Variants in NRG1 observed in about 807,000 individuals in gnomAD.
NRG1 encodes pro-neuregulin-1, membrane-bound isoform.
A neutral mutation model predicts 63.8 loss-of-function variants in NRG1; 18 were observed. The observed-to-expected ratio is 0.28, with a 90% CI of 0.19 to 0.42. The LOEUF (loss-of-function observed/expected upper bound fraction) is 0.42. NRG1 is among the 10% of genes least tolerant of loss of function. The probability of loss-of-function intolerance (pLI) is 1.00; values close to 1 mark genes in which losing one functional copy is unlikely to be tolerated. For synonymous variants in NRG1, 302 were observed against 301.3 expected, an observed-to-expected ratio of 1.00 and a Z score of -0.02; for missense variants, 762 against 814.7, an observed-to-expected ratio of 0.94 and a Z score of 0.79.
chr8:31,857,397 T>G (rs1023176187), intron 1 of NRG1, among the ~76,000 whole-genome samples: 5 of 152,206 alleles, frequency 3.3e-5, no homozygotes, highest in Non-Finnish European at 5.9e-5. Flanking sequence ...TGTCACCCCT[T>G]TCTTTGACTA....
At chr8:32,662,742 T>C (rs147181148) in intron 5 of NRG1, among the ~76,000 whole-genome samples, 1 of 152,184 alleles carries the variant, frequency 6.6e-6, no homozygotes, top group Non-Finnish European at 1.5e-5. Context: ...GGGATTTGAG[T>C]GAGAGGAGTC....
intron 1 of NRG1, among the ~76,000 whole-genome samples, chr8:32,530,124 T>C (rs1418483308): frequency 1.3e-5 from 2 of 152,086 alleles, no homozygotes; most frequent in Non-Finnish European, 1.5e-5. Flanking sequence ...TTTCTTTTTT[T>C]TGAGGCGGAG....
intron 1 of NRG1, among the ~76,000 whole-genome samples, chr8:32,263,955 G>A (rs560968938): frequency 1.3e-5 from 2 of 152,230 alleles, no homozygotes; most frequent in East Asian, 1.9e-4. Context: ...GAGAAACTGA[G>A]GAGACCCTAG....
chr8:32,458,801 T>C (rs1006237265), intron 1 of NRG1, among the ~76,000 whole-genome samples: 3 of 152,206 alleles, frequency 2.0e-5, no homozygotes, highest in African/African-American at 7.2e-5. Flanking sequence ...TGTTTGCTTA[T>C]TTGTTTCCCC....
chr8:31,647,639 G>A (rs898174726), intron 1 of NRG1, among the ~76,000 whole-genome samples: 5 of 152,144 alleles, frequency 3.3e-5, no homozygotes, highest in African/African-American at 1.2e-4. Flanking sequence ...AGGATGGAGA[G>A]GTTCTGCTCA....
chr8:31,644,973 AT>A (rs1365565271), intron 1 of NRG1, among the ~76,000 whole-genome samples: 2 of 152,132 alleles, frequency 1.3e-5, no homozygotes, highest in Admixed American at 6.5e-5. Context: ...GTTCTTACTG[AT>A]TCAAGCAATT....
Position 31,774,462 on chromosome 8 carries a change from T to C in NRG1, c.37+135031T>C, listed in dbSNP as rs140193309. On this transcript the variant is annotated intron_variant, in intron 1 of 10. Transcript: ENST00000519301. Reference sequence around the variant, plus strand: ...TTTTTCATACTGCATCCCATGCCTGTAGTGTCTGGCACAGAACAGGTTTTT... The same window carrying C: ...TTTTTCATACTGCATCCCATGCCTGCAGTGTCTGGCACAGAACAGGTTTTT... Among the ~76,000 whole-genome samples, 115 of 152,330 alleles carry C rather than the reference T, an allele frequency of 7.5e-4. 3 individuals carry two copies. In the East Asian group the frequency reaches 0.02, roughly 26 times the overall value.
intron 1 of NRG1, among the ~76,000 whole-genome samples, chr8:31,737,227 A>G (rs1184507535): frequency 2.0e-5 from 3 of 152,000 alleles, no homozygotes; most frequent in African/African-American, 7.2e-5. Flanking sequence ...TTTTCCTTCA[A>G]TTCATCCTTC....
At chr8:32,194,306 C>T (rs1234731069) in intron 1 of NRG1, among the ~76,000 whole-genome samples, 5 of 152,172 alleles carry the variant, frequency 3.3e-5, no homozygotes, top group Non-Finnish European at 5.9e-5. Context: ...ATCTGAACCG[C>T]GGATAAAATG....
At chr8:32,176,465 A>C (rs1004012059) in intron 1 of NRG1, among the ~76,000 whole-genome samples, 8 of 152,242 alleles carry the variant, frequency 5.3e-5, no homozygotes, top group African/African-American at 1.7e-4. Flanking sequence ...ACAAAAGCCA[A>C]AATTGACAAA....
At chr8:31,680,875 T>C (rs1025991062) in intron 1 of NRG1, among the ~76,000 whole-genome samples, 1 of 152,184 alleles carries the variant, frequency 6.6e-6, no homozygotes, top group South Asian at 2.1e-4. Flanking sequence ...AGCTCATTCC[T>C]GCCCGCACAC....
At chr8:31,725,890 C>T (rs957053186) in intron 1 of NRG1, among the ~76,000 whole-genome samples, 6 of 151,972 alleles carry the variant, frequency 3.9e-5, no homozygotes, top group African/African-American at 1.2e-4. Flanking sequence ...TAAGTGTAGT[C>T]GCTGTAATTG....
At chr8:32,583,970 G>A (rs1841165048) in intron 1 of NRG1, among the ~76,000 whole-genome samples, 1 of 152,194 alleles carries the variant, frequency 6.6e-6, no homozygotes, top group Non-Finnish European at 1.5e-5. Context: ...GGGAGTCAGT[G>A]GGTTGTGTCA....
intron 1 of NRG1, among the ~76,000 whole-genome samples, chr8:31,720,258 T>C (rs1812772524): frequency 6.6e-6 from 1 of 152,178 alleles, no homozygotes; most frequent in African/African-American, 2.4e-5. Flanking sequence ...ACTGATACAT[T>C]GCAGGTACAT....
At chr8:32,748,358 C>CACACACACACAGAGAG (rs748763782) in intron 7 of NRG1, among the ~76,000 whole-genome samples, 6 of 121,998 alleles carry the variant, frequency 4.9e-5, no homozygotes, top group Non-Finnish European at 1.7e-5. Context: ...CACACACACA[C>CACACACACACAGAGAG]AGAGAGAGAG....
chr8:32,691,476 A>T (rs1366238131), intron 5 of NRG1, among the ~76,000 whole-genome samples: 1 of 152,182 alleles, frequency 6.6e-6, no homozygotes, highest in African/African-American at 2.4e-5. Context: ...TTTTTCCAGG[A>T]CCACATTTCT....
intron 6 of NRG1, among the ~76,000 whole-genome samples, chr8:32,731,069 A>G (rs1823533845): frequency 6.6e-6 from 1 of 152,168 alleles, no homozygotes; most frequent in South Asian, 2.1e-4. Flanking sequence ...AGTGCATATG[A>G]TAGTTTCTGC....
chr8:32,451,544 G>A (rs1049538663), intron 1 of NRG1, among the ~76,000 whole-genome samples: 5 of 151,982 alleles, frequency 3.3e-5, no homozygotes, highest in Admixed American at 1.3e-4. Context: ...TATTATCCCC[G>A]CCACACAAAT....
chr8:31,902,966 C>T (rs995938563), intron 1 of NRG1, among the ~76,000 whole-genome samples: 1 of 152,080 alleles, frequency 6.6e-6, no homozygotes, highest in Non-Finnish European at 1.5e-5. Context: ...CTTGTTCTCC[C>T]TCTCATGATG....
Sources: allele counts gnomAD v4.1 joint callset (sites outside exome capture counted in the v4.1 genomes callset), GRCh38; gene constraint gnomAD v4.1.1; transcripts MANE v1.5; gene names NCBI Gene and HGNC (gene_info 2026-07-23, HGNC 2026-07-21).